Variants in SLCO1B3 observed in about 807,000 individuals in gnomAD.
SLCO1B3 encodes the protein solute carrier organic anion transporter family member 1B3.
A neutral mutation model predicts 71.8 loss-of-function variants in SLCO1B3; 72 were observed. The observed-to-expected ratio is 1.00, with a 90% CI of 0.83 to 1.22. The LOEUF is 1.22. Among genes scored for constraint, SLCO1B3 ranks in the 50% most tolerant of loss-of-function variants. SLCO1B3 has a pLI of 0.00. For missense variants in SLCO1B3, 911 were observed against 819.7 expected (o/e 1.11, Z -1.36); for synonymous variants, 298 against 278.4 (o/e 1.07, Z -0.70).
chr12:20,871,511 C>G (rs7961888), intron 8 of SLCO1B3, among the ~76,000 whole-genome samples: 110,051 of 151,858 alleles, frequency 0.72, 42,464 homozygotes, highest in South Asian at 0.9. Flanking sequence ...GGTATTTATT[C>G]TAGTCTTTGT....
At chr12:20,837,422 A>G (rs972884194) in intron 3 of SLCO1B3, among the ~76,000 whole-genome samples, 2 of 152,010 alleles carry the variant, frequency 1.3e-5, no homozygotes, top group African/African-American at 4.8e-5. Context: ...CTGATTTTAA[A>G]TGTTTCCTCT....
chr12:20,819,640 T>C (rs1469307430), intron 3 of SLCO1B3, among the ~76,000 whole-genome samples: 1 of 152,172 alleles, frequency 6.6e-6, no homozygotes, highest in Non-Finnish European at 1.5e-5. Flanking sequence ...TGTCTGGTTT[T>C]AGGACAGGTA....
intron 8 of SLCO1B3, among the ~76,000 whole-genome samples, chr12:20,864,177 T>G (rs539096028): frequency 6.6e-6 from 1 of 152,340 alleles, no homozygotes; most frequent in South Asian, 2.1e-4. Context: ...TTTCAACATG[T>G]GACTTTTCTC....
At chr12:20,835,869 C>T (rs1466883925) in intron 3 of SLCO1B3, among the ~76,000 whole-genome samples, 1 of 152,156 alleles carries the variant, frequency 6.6e-6, no homozygotes, top group Non-Finnish European at 1.5e-5. Context: ...TAGCAATGCC[C>T]CTCAGTACCA....
At chr12:20,836,637 T>TTTTTG (rs1294871256) in intron 3 of SLCO1B3, among the ~76,000 whole-genome samples, 1 of 152,040 alleles carries the variant, frequency 6.6e-6, no homozygotes, top group African/African-American at 2.4e-5. Flanking sequence ...TTCTTTCTGT[T>TTTTTG]TTTTGTTTTG....
intron 3 of SLCO1B3, among the ~76,000 whole-genome samples, chr12:20,829,254 A>G (rs573227752): frequency 6.6e-6 from 1 of 152,218 alleles, no homozygotes; most frequent in African/African-American, 2.4e-5. Flanking sequence ...AACTTTTAGT[A>G]ATTAAGGAGA....
intron 15 of SLCO1B3, among the ~76,000 whole-genome samples, chr12:20,910,738 T>A (rs1471131259): frequency 6.6e-6 from 1 of 152,184 alleles, no homozygotes; most frequent in Non-Finnish European, 1.5e-5. Context: ...TAATGTATTT[T>A]TAATTTCAAA....
chr12:20,871,121 A>G (rs1411100763), intron 8 of SLCO1B3, among the ~76,000 whole-genome samples: 1 of 152,140 alleles, frequency 6.6e-6, no homozygotes, highest in Non-Finnish European at 1.5e-5. Context: ...ATCAATATTC[A>G]TCAGAGAAAT....
chr12:20,818,300 T>C (rs917137196), intron 3 of SLCO1B3, among the ~76,000 whole-genome samples: 1 of 152,114 alleles, frequency 6.6e-6, no homozygotes, highest in African/African-American at 2.4e-5. Flanking sequence ...ACTAAGAGCC[T>C]AAAAAAATGC....
chr12:20,851,060 T>C (rs1865018862), intron 3 of SLCO1B3, among the ~76,000 whole-genome samples: 1 of 152,118 alleles, frequency 6.6e-6, no homozygotes, highest in African/African-American at 2.4e-5. Context: ...TTTATTTATC[T>C]ATTCATTTGT....
At chr12:20,905,054 C>T (rs1866213897) in intron 15 of SLCO1B3, among the ~76,000 whole-genome samples, 1 of 152,112 alleles carries the variant, frequency 6.6e-6, no homozygotes, top group Admixed American at 6.5e-5. Flanking sequence ...TTTCTGCCCA[C>T]TCATAAGCCC....
At chr12:20,891,965 G>A (rs192091802) in intron 13 of SLCO1B3, among the ~76,000 whole-genome samples, 2 of 151,206 alleles carry the variant, frequency 1.3e-5, no homozygotes, top group East Asian at 3.9e-4. Flanking sequence ...CTTTCTTTTG[G>A]ATCTCAAGCT....
intron 13 of SLCO1B3, among the ~76,000 whole-genome samples, chr12:20,892,013 G>A (rs146958132): frequency 0.015 from 2,276 of 151,492 alleles, 29 homozygotes; most frequent in Middle Eastern, 0.062. Context: ...CTTATTTCTC[G>A]AAGACTTCTT....
intron 3 of SLCO1B3, among the ~76,000 whole-genome samples, chr12:20,828,610 T>C (rs1591747358): frequency 6.6e-6 from 1 of 151,388 alleles, no homozygotes. Flanking sequence ...AACAAGATCC[T>C]AGGAGAGAAA....
At chr12:20,827,068 A>G (rs527855559) in intron 3 of SLCO1B3, among the ~76,000 whole-genome samples, 10 of 152,264 alleles carry the variant, frequency 6.6e-5, no homozygotes, top group South Asian at 2.1e-4. Flanking sequence ...TGTTTTGCCA[A>G]TAACTCAAAA....
chr12:20,879,597 A>G lies in SLCO1B3; in HGVS notation c.1297A>G (p.Lys433Glu). 1 of 1,612,318 alleles carries G rather than the reference A, an allele frequency of 6.2e-7. No individual in the cohort carries two copies. Among genetic ancestry groups the G allele is most frequent in the Non-Finnish European group, 8.5e-7 (1 of 1,179,208 alleles). ...LLYFPLICES[K>E]SVAGLTLTYD... is the part of the protein sequence containing the mutation. Reference sequence around the variant, plus strand: ...ATATTTCCCTCTAATCTGCGAAAGCAAATCAGTTGCCGGCCTAACCTTGAC... The same window carrying G: ...ATATTTCCCTCTAATCTGCGAAAGCGAATCAGTTGCCGGCCTAACCTTGAC... Residue 433 changes from lysine to glutamate, a missense_variant, in exon 11 of 16, where the codon AAA becomes GAA. Coordinates refer to ENST00000381545, the MANE Select transcript of SLCO1B3 (RefSeq NM_019844.4).
chr12:20,826,554 CT>C (rs34227535), intron 3 of SLCO1B3, among the ~76,000 whole-genome samples: 6,127 of 148,230 alleles, frequency 0.041, 155 homozygotes, highest in Non-Finnish European at 0.056. Context: ...AACTTGATCA[CT>C]TTTTTTTTTA....
chr12:20,837,991 A>G (rs1864717833), intron 3 of SLCO1B3, among the ~76,000 whole-genome samples: 1 of 152,050 alleles, frequency 6.6e-6, no homozygotes, highest in East Asian at 1.9e-4. Context: ...TTTACTTCAT[A>G]GAATTTGATG....
At chr12:20,897,684 ATTCAACAT>A (rs1440871944) in intron 13 of SLCO1B3, among the ~76,000 whole-genome samples, 1 of 152,232 alleles carries the variant, frequency 6.6e-6, no homozygotes, top group Non-Finnish European at 1.5e-5. Context: ...TTATCAGTTA[ATTCAACAT>A]TTCAGTAAAA....
Sources: allele counts gnomAD v4.1 joint callset (sites outside exome capture counted in the v4.1 genomes callset), GRCh38; gene constraint gnomAD v4.1.1; transcripts MANE v1.5; gene names NCBI Gene and HGNC (gene_info 2026-07-23, HGNC 2026-07-21).